Variants in TRPC4AP observed in about 807,000 individuals in gnomAD.
TRPC4AP encodes transient receptor potential cation channel subfamily C member 4 associated protein.
In TRPC4AP, 45 loss-of-function variants were observed where a neutral mutation model predicts 99.0. The observed-to-expected ratio is 0.45, with a 90% CI of 0.36 to 0.58. TRPC4AP has a LOEUF of 0.58. Ranked by LOEUF, TRPC4AP falls within the 20% of genes least tolerant of loss-of-function variation. The pLI, the probability that TRPC4AP is intolerant of heterozygous loss-of-function variation, is 0.00. For synonymous variants in TRPC4AP, 408 were observed against 385.8 expected, an observed-to-expected ratio of 1.06 and a Z score of -0.67; for missense variants, 879 against 985.3, an observed-to-expected ratio of 0.89 and a Z score of 1.44.
intron 7 of TRPC4AP, among the ~76,000 whole-genome samples, chr20:35,040,865 GTC>G (rs2083431659): frequency 6.6e-6 from 1 of 152,150 alleles, no homozygotes; most frequent in African/African-American, 2.4e-5. Flanking sequence ...TACTGCTTCT[GTC>G]TCTCTGGAGA....
intron 1 of TRPC4AP, among the ~76,000 whole-genome samples, chr20:35,087,798 G>A (rs2084929608): frequency 6.6e-6 from 1 of 152,200 alleles, no homozygotes; most frequent in Admixed American, 6.5e-5. Context: ...ACAGAGGGCA[G>A]AACAAAACGA....
At chr20:35,003,372 CG>C (rs1569073812) in intron 18 of TRPC4AP, 37 bp downstream of exon 18, 1 of 1,588,668 alleles carries the variant, frequency 6.3e-7, no homozygotes, top group Non-Finnish European at 8.5e-7. Flanking sequence ...CCTGGGTCCG[CG>C]GCCCACCCAT....
chr20:35,035,453 C>T (rs2083296761), intron 7 of TRPC4AP, 145 bp from the exon 8 acceptor site: 2 of 918,938 alleles, frequency 2.2e-6, no homozygotes, highest in East Asian at 2.7e-5. Context: ...AATGTCAAAC[C>T]AAGGTAAATA....
intron 8 of TRPC4AP, among the ~76,000 whole-genome samples, chr20:35,025,351 A>C (rs948514975): frequency 6.6e-6 from 1 of 152,094 alleles, no homozygotes; most frequent in Admixed American, 6.5e-5. Flanking sequence ...TGGCTAACCG[A>C]AACAAAATTT....
chr20:35,068,977 AC>A (rs796779840), intron 3 of TRPC4AP, among the ~76,000 whole-genome samples: 11 of 66,148 alleles, frequency 1.7e-4, no homozygotes, highest in Non-Finnish European at 2.7e-4. Flanking sequence ...ACACACACAC[AC>A]AAAAAAAACA....
chr20:35,045,523 A>G (rs6088690), intron 6 of TRPC4AP, among the ~76,000 whole-genome samples: 28,168 of 151,918 alleles, frequency 0.19, 2,706 homozygotes, highest in Middle Eastern at 0.34. Context: ...GGTGCGTGTC[A>G]TTACACCTGG....
At chr20:35,061,640 G>A (rs1457540463) in intron 3 of TRPC4AP, among the ~76,000 whole-genome samples, 1 of 152,198 alleles carries the variant, frequency 6.6e-6, no homozygotes, top group African/African-American at 2.4e-5. Context: ...AAGTGGTGCT[G>A]TGACAACTGG....
intron 7 of TRPC4AP, among the ~76,000 whole-genome samples, chr20:35,037,702 A>G (rs1416139087): frequency 1.3e-5 from 2 of 152,254 alleles, no homozygotes; most frequent in African/African-American, 4.8e-5. Flanking sequence ...TATGCACTGC[A>G]TTAACGCTGT....
At chr20:35,034,241 G>A (rs2083266601) in intron 8 of TRPC4AP, among the ~76,000 whole-genome samples, 1 of 151,384 alleles carries the variant, frequency 6.6e-6, no homozygotes, top group African/African-American at 2.4e-5. Flanking sequence ...CCTCAGGCAT[G>A]AACTTCCCTG....
At position 35,078,085 on chromosome 20, in the gene TRPC4AP, G is replaced by A. The variant is rs914150470; in HGVS notation, c.258C>T (p.His86=). 15 of 1,613,920 alleles carry A rather than the reference G, an allele frequency of 9.3e-6. No individual in the cohort carries two copies. Among genetic ancestry groups the A allele is most frequent in the South Asian group, 4.4e-5 (4 of 91,068 alleles). Reference sequence around the variant, plus strand: ...GACACTCAACAAAGTCACTGTGGAGGTGGCTGGTGGTGTGCAGCTTGAGGA... The same window carrying A: ...GACACTCAACAAAGTCACTGTGGAGATGGCTGGTGGTGTGCAGCTTGAGGA... ...QLLLKLHTTS[H]LHSDFVECQN... is the part of the protein sequence containing the mutation. The change falls in exon 2 of 19, where the codon CAC becomes CAT. Residue 86 remains histidine, a synonymous_variant. Transcript: ENST00000252015.
intron 11 of TRPC4AP, among the ~76,000 whole-genome samples, chr20:35,012,115 T>C (rs953566569): frequency 6.6e-6 from 1 of 152,176 alleles, no homozygotes; most frequent in Admixed American, 6.5e-5. Context: ...CCATAACATA[T>C]GTGGTGCCAT....
intron 2 of TRPC4AP, among the ~76,000 whole-genome samples, chr20:35,072,827 T>C (rs1306724101): frequency 1.3e-5 from 2 of 152,230 alleles, no homozygotes; most frequent in Non-Finnish European, 2.9e-5. Flanking sequence ...AAGAAAGTAA[T>C]TGGTAGCTTG....
chr20:35,004,455 C>T lies in TRPC4AP; in HGVS notation c.2049+3G>A. 1 of 1,612,208 alleles carries T rather than the reference C, an allele frequency of 6.2e-7. No homozygotes were observed. The highest frequency in any genetic ancestry group is 1.1e-5 in the South Asian group (1 of 90,642). On this transcript the variant is annotated splice_donor_region_variant and intron_variant, in intron 17 of 18. Coordinates refer to ENST00000252015, the MANE Select transcript of TRPC4AP (RefSeq NM_015638.3). ...CTGCTGTGTGTCTGCCGGGGCCTCT[C>T]ACCTGGGTCAGCGTCTGCACGTGGA...
In TRPC4AP at chr20:35,046,963, G is replaced by T. The variant is rs184994848; in HGVS notation, c.658-2251C>A. 1.8e-4 allele frequency among the ~76,000 whole-genome samples: 27 copies of T among 152,170 alleles called. No individual in the cohort carries two copies. In the East Asian group the frequency reaches 4.8e-3, roughly 27 times the overall value. On this transcript the variant is annotated intron_variant, in intron 6 of 18. Coordinates refer to ENST00000252015, the MANE Select transcript of TRPC4AP (RefSeq NM_015638.3). The stretch of plus-strand genomic sequence containing the variant: ...TGCTCACTGCAACCTCTGCCTCCTG[G>T]GTTCAAGCAATTTTTCTGTCCCAGC...
Position 35,029,065 on chromosome 20 carries a change from T to A in TRPC4AP, c.1051+6058A>T, listed in dbSNP as rs537458521. On this transcript the variant is annotated intron_variant, in intron 8 of 18. Transcript: ENST00000252015. The stretch of plus-strand genomic sequence containing the variant: ...CCATCTGAGACCAACCTGGCCAACA[T>A]GCTGAAACCCCATCTCTACTAAAAA... 3.9e-5 allele frequency among the ~76,000 whole-genome samples: 6 copies of A among 152,260 alleles called. No individual in the cohort carries two copies. The South Asian group carries it at 1.0e-3, about 26-fold the overall frequency.
intron 2 of TRPC4AP, among the ~76,000 whole-genome samples, chr20:35,072,829 G>A (rs1429631090): frequency 6.6e-6 from 1 of 152,156 alleles, no homozygotes; most frequent in Admixed American, 6.5e-5. Context: ...GAAAGTAATT[G>A]GTAGCTTGAT....
At chr20:35,024,130 CTTTTT>C in intron 8 of TRPC4AP, among the ~76,000 whole-genome samples, 1 of 146,412 alleles carries the variant, frequency 6.8e-6, no homozygotes, top group Non-Finnish European at 1.5e-5. Flanking sequence ...TGCACACTCA[CTTTTT>C]TTTTTTTTTA....
chr20:35,092,109 A>G (rs1336035677), intron 1 of TRPC4AP, among the ~76,000 whole-genome samples: 1 of 152,212 alleles, frequency 6.6e-6, no homozygotes, highest in African/African-American at 2.4e-5. Context: ...TGTAAACGAA[A>G]CGAATTCGCG....
Position 35,044,658 on chromosome 20 carries a change from C to T in TRPC4AP, c.712G>A (p.Asp238Asn), listed in dbSNP as rs745692015. ...CAGAAATTAGCGAGCTGCTGCTGAT[C>T]GAAATTGGATACTAAGGAACTCAGA... is the stretch of plus-strand genomic sequence containing the variant. ...PNLSSLVSNF[D>N]QQQLANFCRI... The change falls in exon 7 of 19, where the codon GAT becomes AAT. Residue 238 changes from aspartate to asparagine, a missense_variant. Coordinates refer to ENST00000252015, the MANE Select transcript of TRPC4AP (RefSeq NM_015638.3). 6.2e-6 allele frequency: 10 copies of T among 1,614,118 alleles called. No individual in the cohort carries two copies. The highest frequency in any genetic ancestry group is 2.7e-5 in the African/African-American group (2 of 75,018).
Sources: allele counts gnomAD v4.1 joint callset (sites outside exome capture counted in the v4.1 genomes callset), GRCh38; gene constraint gnomAD v4.1.1; transcripts MANE v1.5; gene names NCBI Gene and HGNC (gene_info 2026-07-23, HGNC 2026-07-21).